ERG: variants seen among roughly 807,000 people sequenced by gnomAD.
The protein encoded by ERG is ETS transcription factor ERG.
Under a neutral mutation model 55.3 loss-of-function variants are expected in ERG, and 9 were observed. The ratio of observed to expected loss-of-function variants is 0.16; its 90% CI spans 0.10 to 0.28. The LOEUF is 0.28. Among genes scored for constraint, ERG ranks in the 10% least tolerant of loss-of-function variants. The pLI is 1.00. For synonymous variants in ERG, 223 were observed against 237.3 expected (o/e 0.94, Z 0.55); for missense variants, 434 against 631.6 (o/e 0.69, Z 3.35).
chr21:38,448,238 G>GA (rs1021194854), intron 1 of ERG, among the ~76,000 whole-genome samples: 1 of 152,190 alleles, frequency 6.6e-6, no homozygotes, highest in African/African-American at 2.4e-5. Context: ...ATTTAGGAAG[G>GA]AAAAAACCCT....
chr21:38,612,837 A>G (rs2060236093), intron 1 of ERG, among the ~76,000 whole-genome samples: 1 of 151,692 alleles, frequency 6.6e-6, no homozygotes, highest in Non-Finnish European at 1.5e-5. Context: ...CTAATTTTGT[A>G]TTTTTAGTAG....
At chr21:38,658,701 A>G (rs978871885) in intron 1 of ERG, among the ~76,000 whole-genome samples, 1 of 152,216 alleles carries the variant, frequency 6.6e-6, no homozygotes, top group African/African-American at 2.4e-5. Context: ...ATTCCTTCTG[A>G]CGTCTTTCAG....
upstream of ERG, among the ~76,000 whole-genome samples, chr21:38,501,659 C>T (rs537481228): frequency 7.9e-5 from 12 of 152,242 alleles, no homozygotes; most frequent in Middle Eastern, 3.4e-3. Flanking sequence ...CTGCCATGAG[C>T]CTATCAGGGC....
intron 6 of ERG, among the ~76,000 whole-genome samples, chr21:38,396,262 T>C (rs949774191): frequency 3.9e-5 from 6 of 152,378 alleles, no homozygotes; most frequent in East Asian, 1.9e-4. Flanking sequence ...AGTTTGAGCA[T>C]GGAGTTTTGG....
chr21:38,654,215 C>T (rs542595763), intron 1 of ERG, among the ~76,000 whole-genome samples: 5 of 152,352 alleles, frequency 3.3e-5, no homozygotes, highest in East Asian at 1.9e-4. Context: ...CAGTGGCTCA[C>T]GCCTGTAATC....
intron 2 of ERG, among the ~76,000 whole-genome samples, chr21:38,509,655 G>A (rs756313408): frequency 6.6e-6 from 1 of 152,026 alleles, no homozygotes; most frequent in Non-Finnish European, 1.5e-5. Flanking sequence ...CATGCTGTTG[G>A]CACCCCATTC....
chr21:38,461,673 C>T (rs2059043817), intron 1 of ERG, among the ~76,000 whole-genome samples: 1 of 152,206 alleles, frequency 6.6e-6, no homozygotes, highest in South Asian at 2.1e-4. Context: ...CCAGCTGCCT[C>T]CAATTAGCCC....
At chr21:38,613,023 A>G (rs35854434) in intron 1 of ERG, among the ~76,000 whole-genome samples, 9,551 of 152,234 alleles carry the variant, frequency 0.063, 949 homozygotes, top group African/African-American at 0.22. Flanking sequence ...GTAGATGTAT[A>G]TTACTAACAG....
chr21:38,606,304 T>C (rs117910189), intron 1 of ERG, among the ~76,000 whole-genome samples: 2,479 of 152,266 alleles, frequency 0.016, 34 homozygotes, highest in Middle Eastern at 0.034. Context: ...AGATGGTTGA[T>C]AGAAAGATGA....
At chr21:38,499,403 A>G (rs1465980022), upstream of ERG, among the ~76,000 whole-genome samples, 1 of 152,190 alleles carries the variant, frequency 6.6e-6, no homozygotes, top group East Asian at 1.9e-4. Context: ...CATTCCTTAG[A>G]GGGTTTCAGG....
At position 38,528,548 on chromosome 21, in the gene ERG, C is replaced by T. The variant is rs1239490227; in HGVS notation, c.-41+47114G>A. ...CTGCAAGCTCCGCCTCCCGGGTTCACGCCATTCTCCTGCCTCAGCCTCCCA... is the reference window on the plus strand; with the variant it reads ...CTGCAAGCTCCGCCTCCCGGGTTCATGCCATTCTCCTGCCTCAGCCTCCCA... On this transcript the variant is annotated intron_variant, in intron 2 of 8. Transcript: ENST00000398897. Among the ~76,000 whole-genome samples the T allele has an allele frequency of 2.4e-4, 13 of 53,464 alleles. 2 individuals carry two copies. Among genetic ancestry groups the T allele is most frequent in the South Asian group, 2.4e-3 (4 of 1,688 alleles). The allele number at this position is 53,464 out of a possible 152,430, so 35.1% of individuals were successfully genotyped here.
At chr21:38,510,923 A>G (rs1160814185) in intron 2 of ERG, among the ~76,000 whole-genome samples, 2 of 152,228 alleles carry the variant, frequency 1.3e-5, no homozygotes, top group African/African-American at 4.8e-5. Context: ...ACCTTTAACA[A>G]ACCAAGATCT....
At chr21:38,448,036 A>G (rs2058908164) in intron 1 of ERG, among the ~76,000 whole-genome samples, 1 of 152,250 alleles carries the variant, frequency 6.6e-6, no homozygotes, top group South Asian at 2.1e-4. Flanking sequence ...AAGTAAGCTT[A>G]CTTCTGCAAA....
At chr21:38,441,844 T>C (rs2058843899) in intron 2 of ERG, among the ~76,000 whole-genome samples, 1 of 152,192 alleles carries the variant, frequency 6.6e-6, no homozygotes, top group Non-Finnish European at 1.5e-5. Flanking sequence ...AGGAGGCACG[T>C]AGGCCTGGAT....
At chr21:38,644,998 A>C (rs148450541) in intron 1 of ERG, among the ~76,000 whole-genome samples, 6 of 152,222 alleles carry the variant, frequency 3.9e-5, no homozygotes, top group Non-Finnish European at 4.4e-5. Context: ...CTCTACAAAA[A>C]TATTTTAAAA....
chr21:38,647,583 G>A (rs2146980345), intron 1 of ERG, among the ~76,000 whole-genome samples: 1 of 152,274 alleles, frequency 6.6e-6, no homozygotes, highest in South Asian at 2.1e-4. Context: ...CATGAAAACA[G>A]GAGGTTGGTC....
At chr21:38,589,988 C>A (rs1357720939) in intron 1 of ERG, among the ~76,000 whole-genome samples, 1 of 152,198 alleles carries the variant, frequency 6.6e-6, no homozygotes, top group Non-Finnish European at 1.5e-5. Context: ...GTCACGCAGA[C>A]ACGCTGAGTA....
intron 2 of ERG, among the ~76,000 whole-genome samples, chr21:38,538,557 A>T (rs184269307): frequency 5.5e-4 from 83 of 152,200 alleles, no homozygotes; most frequent in African/African-American, 1.9e-3. Context: ...GTCAGGGGAA[A>T]TTCCAGGTTT....
intron 1 of ERG, among the ~76,000 whole-genome samples, chr21:38,641,867 T>C (rs1348740848): frequency 2.0e-5 from 3 of 152,200 alleles, no homozygotes; most frequent in Non-Finnish European, 4.4e-5. Flanking sequence ...GAAACAGTAA[T>C]TTTCATCTTG....
Sources: allele counts gnomAD v4.1 joint callset (sites outside exome capture counted in the v4.1 genomes callset), GRCh38; gene constraint gnomAD v4.1.1; transcripts MANE v1.5; gene names NCBI Gene and HGNC (gene_info 2026-07-23, HGNC 2026-07-21).